NUP133: variants seen among roughly 807,000 people sequenced by gnomAD.
The protein encoded by NUP133 is nucleoporin 133.
Under a neutral mutation model 146.2 loss-of-function variants are expected in NUP133, and 66 were observed. That is an observed-to-expected ratio of 0.45 (90% CI 0.37 to 0.55). NUP133 has a LOEUF of 0.55. NUP133 is among the 20% of genes least tolerant of loss of function. The probability of loss-of-function intolerance (pLI) is 0.00; values close to 1 mark genes in which losing one functional copy is unlikely to be tolerated. For synonymous variants in NUP133, 521 were observed against 498.8 expected (o/e 1.04, Z -0.59); for missense variants, 1,277 against 1,374.8 (o/e 0.93, Z 1.12).
At chr1:229,447,457 T>C (rs1239998314) in intron 24 of NUP133, among the ~76,000 whole-genome samples, 1 of 151,996 alleles carries the variant, frequency 6.6e-6, no homozygotes, top group East Asian at 1.9e-4. Context: ...CCTTAGGATC[T>C]CCATAGATGT....
At chr1:229,483,183 T>C (rs1661259007) in intron 12 of NUP133, among the ~76,000 whole-genome samples, 1 of 152,184 alleles carries the variant, frequency 6.6e-6, no homozygotes. Context: ...ACAGTAGACT[T>C]GGCCTCCCGG....
chr1:229,485,616 G>A (rs989473784), intron 11 of NUP133, among the ~76,000 whole-genome samples: 8 of 152,132 alleles, frequency 5.3e-5, no homozygotes, highest in Non-Finnish European at 7.4e-5. Context: ...GCAGAGGAAG[G>A]AGTATAAGGT....
intron 12 of NUP133, among the ~76,000 whole-genome samples, chr1:229,478,654 A>G (rs73095922): frequency 0.047 from 7,207 of 152,226 alleles, 452 homozygotes; most frequent in African/African-American, 0.13. Context: ...TAGAGAGATT[A>G]GGGGACAACT....
intron 24 of NUP133, among the ~76,000 whole-genome samples, chr1:229,445,737 A>G (rs1447542780): frequency 6.6e-6 from 1 of 152,254 alleles, no homozygotes; most frequent in Non-Finnish European, 1.5e-5. Flanking sequence ...TAAGACAAGG[A>G]ATTCTAATCA....
Position 229,466,739 on chromosome 1 carries a change from G to A in NUP133, c.2094C>T (p.Thr698=), listed in dbSNP as rs1468924648. ...VFFREVSQVD[T]ICECLLEHEE... ...CATGCTCCAGTAAGCACTCACAGAT[G>A]GTATCTACTTGGGATACCTGAGAGA... Residue 698 remains threonine (T), a synonymous_variant, in exon 16 of 26, where the codon ACC becomes ACT. Coordinates refer to ENST00000261396, the MANE Select transcript of NUP133 (RefSeq NM_018230.3). The A allele has an allele frequency of 1.2e-6, 2 of 1,613,782 alleles. No homozygotes were observed. The highest frequency in any genetic ancestry group is 8.5e-7 in the Non-Finnish European group (1 of 1,179,836).
At chr1:229,489,860 A>G (rs1661463299) in intron 9 of NUP133, 95 bp downstream of exon 9, 4 of 1,187,964 alleles carry the variant, frequency 3.4e-6, no homozygotes, top group Non-Finnish European at 4.5e-6. Context: ...TGGGTGACAG[A>G]GCAAAACTCT....
chr1:229,464,253 T>C (rs1441785051), intron 18 of NUP133, among the ~76,000 whole-genome samples: 3 of 152,202 alleles, frequency 2.0e-5, no homozygotes, highest in Non-Finnish European at 2.9e-5. Flanking sequence ...AGTCCTAGCC[T>C]GGAGTATAAT....
At chr1:229,490,905 C>T (rs377692726) in intron 8 of NUP133, among the ~76,000 whole-genome samples, 9 of 150,478 alleles carry the variant, frequency 6.0e-5, no homozygotes, top group East Asian at 5.9e-4. Context: ...GAGCTGAGAT[C>T]GCACCACTGC....
chr1:229,456,698 T>G (rs1271408223), intron 21 of NUP133, among the ~76,000 whole-genome samples: 1 of 151,998 alleles, frequency 6.6e-6, no homozygotes, highest in Admixed American at 6.6e-5. Flanking sequence ...AAGAAATACG[T>G]ATGTGTGTGT....
chr1:229,468,167 A>G (rs1229305306), intron 15 of NUP133, among the ~76,000 whole-genome samples: 1 of 152,086 alleles, frequency 6.6e-6, no homozygotes, highest in African/African-American at 2.4e-5. Flanking sequence ...GCGCACCCTC[A>G]GGCAGCTCTG....
At chr1:229,449,240 A>G in intron 23 of NUP133, 50 bp from the exon 24 acceptor site, 1 of 1,186,434 alleles carries the variant, frequency 8.4e-7, no homozygotes, top group Non-Finnish European at 1.2e-6. Flanking sequence ...CTCTGAAAGA[A>G]ATACATGCCT....
intron 12 of NUP133, 84 bp from the exon 13 acceptor site, chr1:229,477,844 T>C (rs1036132028): frequency 5.0e-6 from 5 of 1,003,236 alleles, no homozygotes; most frequent in African/African-American, 4.9e-5. Context: ...TATGGACTAC[T>C]ATTCAGCCAA....
At chr1:229,464,298 G>C (rs1401959750) in intron 18 of NUP133, among the ~76,000 whole-genome samples, 3 of 152,086 alleles carry the variant, frequency 2.0e-5, no homozygotes, top group Non-Finnish European at 1.5e-5. Flanking sequence ...TATCTTATCT[G>C]TACCCCTCAA....
chr1:229,477,850 G>T, intron 12 of NUP133, 90 bp from the exon 13 acceptor site: 1 of 957,082 alleles, frequency 1.0e-6, no homozygotes, highest in Non-Finnish European at 1.5e-6. Context: ...CTACTATTCA[G>T]CCAAAAAAAA....
chr1:229,477,546 G>A, intron 13 of NUP133, 51 bp downstream of exon 13: 1 of 1,426,850 alleles, frequency 7.0e-7, no homozygotes, highest in South Asian at 1.6e-5. Context: ...TTCTAATAAA[G>A]AAACCAGAAT....
At chr1:229,487,402 GAA>G in intron 10 of NUP133, 62 bp downstream of exon 10, 1 of 1,512,210 alleles carries the variant, frequency 6.6e-7, no homozygotes, top group East Asian at 2.3e-5. Context: ...CAGGGAAAGA[GAA>G]AAAAAGCACT....
intron 8 of NUP133, among the ~76,000 whole-genome samples, chr1:229,492,786 T>C (rs1446873681): frequency 1.3e-5 from 2 of 151,772 alleles, no homozygotes; most frequent in Admixed American, 1.3e-4. Context: ...GAGGGTAAGG[T>C]ATAAAAGACT....
chr1:229,506,271 C>T (rs1661933947), intron 1 of NUP133, 113 bp from the exon 2 acceptor site: 2 of 547,710 alleles, frequency 3.7e-6, no homozygotes, highest in Non-Finnish European at 6.6e-6. Context: ...TTAACACTGG[C>T]TCATATTTAC....
At chr1:229,456,108 G>T (rs1660553260) in intron 21 of NUP133, among the ~76,000 whole-genome samples, 1 of 152,168 alleles carries the variant, frequency 6.6e-6, no homozygotes, top group South Asian at 2.1e-4. Context: ...CTTGTAATTA[G>T]AATAAGGGTG....
Sources: allele counts gnomAD v4.1 joint callset (sites outside exome capture counted in the v4.1 genomes callset), GRCh38; gene constraint gnomAD v4.1.1; transcripts MANE v1.5; gene names NCBI Gene and HGNC (gene_info 2026-07-23, HGNC 2026-07-21).